Variants in NRXN1 observed in about 807,000 individuals in gnomAD.
NRXN1 encodes the protein neurexin 1.
Under a neutral mutation model 150.9 loss-of-function variants are expected in NRXN1, and 39 were observed. The observed-to-expected ratio is 0.26, with a 90% CI of 0.20 to 0.34. The LOEUF (loss-of-function observed/expected upper bound fraction) is 0.34, where lower values mean the gene tolerates loss of function less well. Ranked by LOEUF, NRXN1 falls within the 10% of genes least tolerant of loss-of-function variation. The pLI, the probability that NRXN1 is intolerant of heterozygous loss-of-function variation, is 1.00. For missense variants in NRXN1, 1,815 were observed against 1,949.9 expected (o/e 0.93, Z 1.30); for synonymous variants, 924 against 757.0 (o/e 1.22, Z -3.62).
intron 18 of NRXN1, among the ~76,000 whole-genome samples, chr2:50,152,775 T>A (rs2058769742): frequency 6.6e-6 from 1 of 151,806 alleles, no homozygotes; most frequent in Non-Finnish European, 1.5e-5. Context: ...TTTTGACGGT[T>A]TGATTCTAAT....
At chr2:50,711,807 C>T (rs574576988) in intron 5 of NRXN1, among the ~76,000 whole-genome samples, 25 of 152,216 alleles carry the variant, frequency 1.6e-4, no homozygotes, top group African/African-American at 5.8e-4. Context: ...CTCTTTATAA[C>T]GGGCCTCTGG....
chr2:50,863,559 C>T (rs961989562), intron 5 of NRXN1, among the ~76,000 whole-genome samples: 1 of 151,808 alleles, frequency 6.6e-6, no homozygotes, highest in Non-Finnish European at 1.5e-5. Context: ...TATCAGCACA[C>T]AGCCCTTTAA....
At chr2:50,211,308 A>G (rs956663524) in intron 18 of NRXN1, among the ~76,000 whole-genome samples, 47 of 151,702 alleles carry the variant, frequency 3.1e-4, no homozygotes, top group African/African-American at 1.0e-3. Flanking sequence ...TTATATTTAT[A>G]TCATTTTGAT....
intron 17 of NRXN1, among the ~76,000 whole-genome samples, chr2:50,333,969 G>A (rs2076995981): frequency 6.6e-6 from 1 of 151,902 alleles, no homozygotes; most frequent in Non-Finnish European, 1.5e-5. Flanking sequence ...TGCAGATGCA[G>A]GACTTTTAAC....
At chr2:50,121,026 T>A (rs1031915031) in intron 18 of NRXN1, among the ~76,000 whole-genome samples, 3 of 152,202 alleles carry the variant, frequency 2.0e-5, no homozygotes, top group African/African-American at 7.2e-5. Flanking sequence ...TCTCGTCTGT[T>A]TTTTTGTTTA....
chr2:50,171,591 T>C (rs2060034854), intron 18 of NRXN1, among the ~76,000 whole-genome samples: 1 of 152,120 alleles, frequency 6.6e-6, no homozygotes, highest in Admixed American at 6.6e-5. Flanking sequence ...TTGAGTCATT[T>C]GCCAAGCTCA....
At chr2:50,490,050 C>G (rs2091157742) in intron 15 of NRXN1, among the ~76,000 whole-genome samples, 1 of 152,228 alleles carries the variant, frequency 6.6e-6, no homozygotes, top group African/African-American at 2.4e-5. Context: ...AGTTTCACAT[C>G]TCTGTCTGTC....
chr2:50,686,073 T>C (rs1559122939), intron 5 of NRXN1, among the ~76,000 whole-genome samples: 1 of 152,124 alleles, frequency 6.6e-6, no homozygotes, highest in Non-Finnish European at 1.5e-5. Context: ...GTGCCACAAC[T>C]AGAAATACAT....
intron 2 of NRXN1, among the ~76,000 whole-genome samples, chr2:50,997,243 G>C (rs527735506): frequency 5.9e-5 from 9 of 152,024 alleles, no homozygotes; most frequent in African/African-American, 2.2e-4. Flanking sequence ...AGACCAGCCT[G>C]GGCAACACGG....
intron 5 of NRXN1, among the ~76,000 whole-genome samples, chr2:50,726,443 T>G (rs1249258225): frequency 6.6e-6 from 1 of 152,216 alleles, no homozygotes; most frequent in Non-Finnish European, 1.5e-5. Flanking sequence ...AAGGTTTTTG[T>G]GAAGATTAAA....
chr2:50,031,555 C>A (rs1194731925), intron 21 of NRXN1, among the ~76,000 whole-genome samples: 2 of 152,006 alleles, frequency 1.3e-5, no homozygotes, highest in Admixed American at 6.6e-5. Context: ...ATTTAGAAAT[C>A]TTTTAACATG....
chr2:50,306,129 T>C (rs1455380606), intron 17 of NRXN1, among the ~76,000 whole-genome samples: 1 of 152,148 alleles, frequency 6.6e-6, no homozygotes, highest in African/African-American at 2.4e-5. Context: ...GATAATTACA[T>C]TAATCAGTGA....
intron 21 of NRXN1, among the ~76,000 whole-genome samples, chr2:50,033,613 C>A (rs1689520326): frequency 6.6e-6 from 1 of 151,854 alleles, no homozygotes; most frequent in African/African-American, 2.4e-5. Flanking sequence ...CAACAAATGC[C>A]AAATTTGACA....
rs573566124 is a variant in NRXN1 at position 50,265,073 on chromosome 2, T to C, written c.3365-28103A>G. 1.5e-4 allele frequency among the ~76,000 whole-genome samples: 23 copies of C among 152,254 alleles called. No individual in the cohort carries two copies. In the East Asian group the frequency reaches 2.1e-3, roughly 14 times the overall value. ...AATTTCCAGATGCCAGAAAATTCTT[T>C]TTTTCCAAAAACATTTGATATGGGA... On this transcript the variant is annotated intron_variant, in intron 17 of 22. Coordinates refer to ENST00000401669, the MANE Select transcript of NRXN1 (RefSeq NM_001330078.2).
chr2:50,984,883 A>T (rs943166921), intron 2 of NRXN1, among the ~76,000 whole-genome samples: 1 of 152,104 alleles, frequency 6.6e-6, no homozygotes, highest in South Asian at 2.1e-4. Context: ...TCTAAAAAAA[A>T]TTATCTCTGC....
chr2:50,092,861 A>AT lies in NRXN1; in HGVS notation c.3547-1368dup, dbSNP rs200613442. Among the ~76,000 whole-genome samples, 663 of 151,942 alleles carry AT rather than the reference A, an allele frequency of 4.4e-3. 6 individuals are homozygous for AT. Among genetic ancestry groups the AT allele is most frequent in the African/African-American group, 0.015 (626 of 41,462 alleles). On this transcript the variant is annotated intron_variant, in intron 18 of 22. Transcript: ENST00000401669. ...TTTCTTATAAGTTAGCATGCTTACA[A>AT]TTTTTTTTGGTTTGATTAGCTTTAG...
At chr2:50,335,582 A>G (rs913432905) in intron 17 of NRXN1, among the ~76,000 whole-genome samples, 1 of 152,226 alleles carries the variant, frequency 6.6e-6, no homozygotes, top group African/African-American at 2.4e-5. Context: ...ATGTTCTAAG[A>G]GAGCGAGGAA....
At chr2:50,848,565 GA>G in intron 5 of NRXN1, among the ~76,000 whole-genome samples, 1 of 152,144 alleles carries the variant, frequency 6.6e-6, no homozygotes, top group South Asian at 2.1e-4. Flanking sequence ...AGTGAGGGAT[GA>G]AATAAAAACC....
chr2:50,663,057 T>C (rs1215991439), intron 5 of NRXN1, among the ~76,000 whole-genome samples: 1 of 152,016 alleles, frequency 6.6e-6, no homozygotes, highest in Non-Finnish European at 1.5e-5. Context: ...CCAGTAATAA[T>C]AAAACAAGAT....
Sources: allele counts gnomAD v4.1 joint callset (sites outside exome capture counted in the v4.1 genomes callset), GRCh38; gene constraint gnomAD v4.1.1; transcripts MANE v1.5; gene names NCBI Gene and HGNC (gene_info 2026-07-23, HGNC 2026-07-21).